Variants in NBAS observed in about 807,000 individuals in gnomAD.
NBAS encodes NAG/BC035112 fusion.
Under a neutral mutation model 302.5 loss-of-function variants are expected in NBAS, and 219 were observed. The observed-to-expected ratio is 0.72, with a 90% CI of 0.65 to 0.81. NBAS has a LOEUF of 0.81. Ranked by LOEUF, NBAS falls within the 30% of genes least tolerant of loss-of-function variation. NBAS has a pLI of 0.00. For synonymous variants in NBAS, 1,118 were observed against 1,021.6 expected (o/e 1.09, Z -1.80); for missense variants, 2,932 against 2,841.6 (o/e 1.03, Z -0.72).
At chr2:15,212,242 T>C (rs769081000) in intron 48 of NBAS, among the ~76,000 whole-genome samples, 1 of 152,100 alleles carries the variant, frequency 6.6e-6, no homozygotes, top group Non-Finnish European at 1.5e-5. Context: ...CAGCCAGACC[T>C]CTCCAGTCCA....
the NBAS span, among the ~76,000 whole-genome samples, chr2:14,959,744 G>A: frequency 2.2e-4 from 34 of 152,168 alleles, no homozygotes; most frequent in African/African-American, 8.2e-4. Context: ...CATATGACAT[G>A]TTCCATCTTA....
the NBAS span, among the ~76,000 whole-genome samples, chr2:14,925,749 A>T: frequency 6.6e-6 from 1 of 152,162 alleles, no homozygotes; most frequent in Non-Finnish European, 1.5e-5. Context: ...GGCTAGATGT[A>T]TATGTTTTTG....
intron 48 of NBAS, among the ~76,000 whole-genome samples, chr2:15,203,106 G>T (rs544024439): frequency 9.9e-5 from 15 of 152,220 alleles, no homozygotes; most frequent in African/African-American, 3.4e-4. Flanking sequence ...GAATAATATA[G>T]TATAGCATAA....
At chr2:15,514,953 G>T (rs1204811419) in intron 9 of NBAS, among the ~76,000 whole-genome samples, 1 of 152,134 alleles carries the variant, frequency 6.6e-6, no homozygotes, top group East Asian at 1.9e-4. Flanking sequence ...CCAGACTGAA[G>T]AATAAGGGGA....
chr2:15,545,894 C>T (rs1664083604), intron 6 of NBAS, among the ~76,000 whole-genome samples: 1 of 152,188 alleles, frequency 6.6e-6, no homozygotes, highest in Non-Finnish European at 1.5e-5. Context: ...CTATGTTTTA[C>T]ACAATTATCT....
At chr2:15,028,916 G>T in the NBAS span, among the ~76,000 whole-genome samples, 1 of 152,048 alleles carries the variant, frequency 6.6e-6, no homozygotes, top group Non-Finnish European at 1.5e-5. Flanking sequence ...CCCCAGTCTA[G>T]AATGTGACTG....
At chr2:15,186,697 A>G in intron 50 of NBAS, 45 bp downstream of exon 50, 1 of 1,613,184 alleles carries the variant, frequency 6.2e-7, no homozygotes, top group Non-Finnish European at 8.5e-7. Context: ...GAGTTCTGAT[A>G]AGCAAAGGCC....
At chr2:15,532,714 A>T (rs1461243763) in intron 9 of NBAS, among the ~76,000 whole-genome samples, 1 of 152,042 alleles carries the variant, frequency 6.6e-6, no homozygotes, top group Non-Finnish European at 1.5e-5. Context: ...GAATCAATTA[A>T]AATAGCTAAA....
chr2:15,160,301 G>T, the NBAS span, among the ~76,000 whole-genome samples: 1 of 152,108 alleles, frequency 6.6e-6, no homozygotes, highest in South Asian at 2.1e-4. Context: ...GCTTAAGAAG[G>T]CATTCAAACA....
At chr2:15,290,313 G>A (rs1670252089) in intron 41 of NBAS, among the ~76,000 whole-genome samples, 2 of 152,108 alleles carry the variant, frequency 1.3e-5, no homozygotes, top group African/African-American at 2.4e-5. Flanking sequence ...AAACTCTGAG[G>A]CATCTTAAAG....
intron 21 of NBAS, among the ~76,000 whole-genome samples, chr2:15,447,050 G>C (rs1471671496): frequency 6.6e-6 from 1 of 152,064 alleles, no homozygotes; most frequent in African/African-American, 2.4e-5. Flanking sequence ...CCAAAAACGG[G>C]ACAAGTAGTA....
At chr2:14,870,925 G>C in the NBAS span, among the ~76,000 whole-genome samples, 2 of 150,642 alleles carry the variant, frequency 1.3e-5, no homozygotes, top group Non-Finnish European at 3.0e-5. Flanking sequence ...AAACATAAAA[G>C]AAATTAGGAA....
chr2:14,932,920 A>G, the NBAS span, among the ~76,000 whole-genome samples: 1 of 152,244 alleles, frequency 6.6e-6, no homozygotes, highest in Non-Finnish European at 1.5e-5. Context: ...GACTGGTGAT[A>G]CTGTAGACAT....
At chr2:15,292,844 C>CA in intron 40 of NBAS, 78 bp from the exon 41 acceptor site, 2 of 1,366,684 alleles carry the variant, frequency 1.5e-6, no homozygotes, top group South Asian at 2.4e-5. Flanking sequence ...TGGAAGAAGA[C>CA]CATGTCTGCA....
chr2:15,251,008 C>T (rs568973306), intron 44 of NBAS, among the ~76,000 whole-genome samples: 2 of 152,218 alleles, frequency 1.3e-5, no homozygotes, highest in African/African-American at 2.4e-5. Flanking sequence ...CACATGCATA[C>T]GTATGTTTAC....
At chr2:15,082,292 T>G in the NBAS span, among the ~76,000 whole-genome samples, 1 of 152,186 alleles carries the variant, frequency 6.6e-6, no homozygotes, top group Non-Finnish European at 1.5e-5. Context: ...AATTCATGTA[T>G]TCAACAGGTG....
chr2:14,833,812 C>T, the NBAS span, among the ~76,000 whole-genome samples: 10 of 151,314 alleles, frequency 6.6e-5, no homozygotes, highest in Admixed American at 5.9e-4. Context: ...ACAGTATTTA[C>T]AAGATTAAGC....
intron 11 of NBAS, among the ~76,000 whole-genome samples, chr2:15,494,465 C>A (rs181539770): frequency 1.3e-5 from 2 of 152,222 alleles, no homozygotes; most frequent in Non-Finnish European, 2.9e-5. Context: ...AGATTGGATT[C>A]TACCTGAATC....
At position 15,417,407 on chromosome 2, in the gene NBAS, C is replaced by A. The variant is rs2287257; in HGVS notation, c.2763+120G>T. The A allele has an allele frequency of 2.2e-3, 1,944 of 884,562 alleles. 42 individuals are homozygous for A. The East Asian group carries it at 0.042, about 19-fold the overall frequency. 54.8% of individuals were successfully genotyped at this position (884,562 alleles called of 1,614,324 possible). ...ATATTTTACTGTGAAAAAAGTCAAT[C>A]TTTATTTACTAACTTCTCAGGTCTG... On this transcript the variant is annotated intron_variant, in intron 24 of 51. Coordinates refer to ENST00000281513, the MANE Select transcript of NBAS (RefSeq NM_015909.4).
Sources: gnomAD v4.1 joint callset for allele counts (sites outside exome capture counted in the v4.1 genomes callset) on GRCh38, gnomAD v4.1.1 for gene constraint, MANE v1.5 for transcripts, NCBI Gene and HGNC (gene_info 2026-07-23, HGNC 2026-07-21) for gene names.